MCPH1: variants seen among roughly 807,000 people sequenced by gnomAD.
The protein encoded by MCPH1 is microcephalin 1, also known as microcephalin.
Under a neutral mutation model 84.5 loss-of-function variants are expected in MCPH1, and 104 were observed. The observed-to-expected ratio is 1.23, with a 90% CI of 1.05 to 1.45. The LOEUF (loss-of-function observed/expected upper bound fraction) is 1.45, where lower values mean the gene tolerates loss of function less well. Ranked by LOEUF, MCPH1 falls within the 40% of genes most tolerant of loss-of-function variation. The probability of loss-of-function intolerance (pLI) is 0.00; values close to 1 mark genes in which losing one functional copy is unlikely to be tolerated. For synonymous variants in MCPH1, 514 were observed against 366.8 expected, an observed-to-expected ratio of 1.40 and a Z score of -4.58; for missense variants, 1,498 against 1,005.7, an observed-to-expected ratio of 1.49 and a Z score of -6.62.
chr8:6,473,808 G>T, intron 9 of MCPH1: 1 of 1,183,672 alleles, frequency 8.4e-7, no homozygotes, highest in Non-Finnish European at 1.2e-6. Context: ...AGAGATATCA[G>T]CAAGAGTGAT....
intron 12 of MCPH1, among the ~76,000 whole-genome samples, chr8:6,578,014 A>C (rs1827254284): frequency 6.6e-6 from 1 of 152,152 alleles, no homozygotes; most frequent in African/African-American, 2.4e-5. Flanking sequence ...TCTGAATTTG[A>C]AGCGAGGAGT....
In MCPH1 at chr8:6,629,386, C is replaced by T. The variant is rs143511189; in HGVS notation, c.2452+7695C>T. ...CTGAGGCAGGAGAATCCCTTGAACA[C>T]AAGAGGCGGAGGCTGCAGTTAGTCG... is the stretch of plus-strand genomic sequence containing the variant. On this transcript the variant is annotated intron_variant, in intron 13 of 13. Transcript: ENST00000344683. 7.1e-3 allele frequency among the ~76,000 whole-genome samples: 1,088 copies of T among 152,318 alleles called. 14 individuals are homozygous for T. Among genetic ancestry groups the T allele is most frequent in the African/African-American group, 0.025 (1,032 of 41,566 alleles).
intron 12 of MCPH1, among the ~76,000 whole-genome samples, chr8:6,603,860 G>A (rs1829553528): frequency 6.6e-6 from 1 of 152,132 alleles, no homozygotes; most frequent in South Asian, 2.1e-4. Context: ...GGTCTACTAA[G>A]GGACCCGATT....
At chr8:6,472,905 T>C (rs1807934195) in intron 9 of MCPH1, among the ~76,000 whole-genome samples, 1 of 152,242 alleles carries the variant, frequency 6.6e-6, no homozygotes, top group Non-Finnish European at 1.5e-5. Context: ...ACTACCTATT[T>C]AATCAAAGTG....
intron 9 of MCPH1, among the ~76,000 whole-genome samples, chr8:6,474,602 C>G (rs986654993): frequency 6.6e-6 from 1 of 152,176 alleles, no homozygotes; most frequent in African/African-American, 2.4e-5. Flanking sequence ...TGATTAAGCA[C>G]AAATTTACAT....
intron 13 of MCPH1, among the ~76,000 whole-genome samples, chr8:6,630,821 CA>C (rs1242484848): frequency 7.0e-6 from 1 of 142,068 alleles, no homozygotes; most frequent in East Asian, 2.0e-4. Flanking sequence ...TATATATCAA[CA>C]AAAAAAAGAA....
At chr8:6,627,720 G>A (rs1483226722) in intron 13 of MCPH1, among the ~76,000 whole-genome samples, 4 of 152,042 alleles carry the variant, frequency 2.6e-5, no homozygotes, top group African/African-American at 7.2e-5. Context: ...GTAGAATCTC[G>A]TCTGTACAAA....
At chr8:6,464,119 G>A (rs1368120952) in intron 9 of MCPH1, among the ~76,000 whole-genome samples, 1 of 152,192 alleles carries the variant, frequency 6.6e-6, no homozygotes, top group Non-Finnish European at 1.5e-5. Context: ...GCTGTACGCA[G>A]AAAGATAGGC....
In MCPH1 at chr8:6,617,757, G is replaced by T. The variant is rs1256436183; in HGVS notation, c.2215-3697G>T. ...AGGGTCACAATCACAGTTCACTGCA[G>T]CCTCAACTTCCTGGGCTCAAGTGAT... On this transcript the variant is annotated intron_variant, in intron 12 of 13. Coordinates refer to ENST00000344683, the MANE Select transcript of MCPH1 (RefSeq NM_024596.5). Among the ~76,000 whole-genome samples the T allele has an allele frequency of 2.0e-5, 3 of 152,086 alleles. No individual in the cohort carries two copies. The East Asian group carries it at 5.8e-4, about 29-fold the overall frequency.
chr8:6,514,146 G>A (rs549706156), intron 12 of MCPH1, among the ~76,000 whole-genome samples: 12 of 152,156 alleles, frequency 7.9e-5, no homozygotes, highest in Middle Eastern at 6.8e-3. Context: ...TTAAACAGTC[G>A]GCTTACCAAA....
chr8:6,432,746 A>G (rs1342337252), intron 4 of MCPH1, among the ~76,000 whole-genome samples: 1 of 152,264 alleles, frequency 6.6e-6, no homozygotes, highest in Non-Finnish European at 1.5e-5. Flanking sequence ...CAGACAAGCC[A>G]TAGTTTGCCC....
chr8:6,597,758 C>T (rs4841336), intron 12 of MCPH1, among the ~76,000 whole-genome samples: 40,552 of 152,124 alleles, frequency 0.27, 5,789 homozygotes, highest in Middle Eastern at 0.33. Context: ...CACCTCACTG[C>T]GCCCCTCCTG....
intron 8 of MCPH1, among the ~76,000 whole-genome samples, chr8:6,450,004 CCT>C (rs1563228068): frequency 6.6e-6 from 1 of 151,946 alleles, no homozygotes; most frequent in Non-Finnish European, 1.5e-5. Context: ...AAAAGTCCTT[CCT>C]ATCTATACCC....
intron 13 of MCPH1, among the ~76,000 whole-genome samples, chr8:6,632,667 G>T (rs1367533400): frequency 6.6e-6 from 1 of 152,018 alleles, no homozygotes; most frequent in Non-Finnish European, 1.5e-5. Context: ...AAATTAGCCG[G>T]CCGTGGTGGC....
At chr8:6,594,173 C>T (rs1339334827) in intron 12 of MCPH1, among the ~76,000 whole-genome samples, 2 of 152,214 alleles carry the variant, frequency 1.3e-5, no homozygotes, top group Non-Finnish European at 2.9e-5. Flanking sequence ...TCCCAGGAGC[C>T]CCCGCTCCCC....
intron 9 of MCPH1, among the ~76,000 whole-genome samples, chr8:6,467,992 A>G (rs1291182600): frequency 2.6e-5 from 4 of 152,062 alleles, no homozygotes; most frequent in Non-Finnish European, 5.9e-5. Flanking sequence ...GAATTTGCAT[A>G]TTTTTCCCCA....
chr8:6,640,109 T>TAC (rs1563228175), intron 13 of MCPH1, among the ~76,000 whole-genome samples: 39 of 123,076 alleles, frequency 3.2e-4, no homozygotes, highest in African/African-American at 1.3e-3. Context: ...CGCGCGCGTG[T>TAC]GTGTGTGTGT....
At position 6,477,600 on chromosome 8, in the gene MCPH1, A is replaced by G; in HGVS notation, c.1942A>G (p.Arg648Gly). Residue 648 changes from arginine to glycine, a missense_variant, in exon 10 of 14, where the codon AGA becomes GGA. Transcript: ENST00000344683. The stretch of plus-strand genomic sequence containing the variant: ...TCTTGTTTGAAATCTCTAGCCAACA[A>G]GAACATTAGTCATGACAAGCATGCC... ...KKSGRGKKPT[R>G]TLVMTSMPSE... The G allele has an allele frequency of 6.2e-7, 1 of 1,613,176 alleles. No individual in the cohort carries two copies.
chr8:6,532,700 G>C (rs1012254051), intron 12 of MCPH1, among the ~76,000 whole-genome samples: 1 of 151,624 alleles, frequency 6.6e-6, no homozygotes. Context: ...TGGCAACTTA[G>C]TCACATCATG....
Sources: allele counts gnomAD v4.1 joint callset (sites outside exome capture counted in the v4.1 genomes callset), GRCh38; gene constraint gnomAD v4.1.1; transcripts MANE v1.5; gene names NCBI Gene and HGNC (gene_info 2026-07-23, HGNC 2026-07-21).